Variants in HEATR5A observed in about 807,000 individuals in gnomAD.
HEATR5A encodes HEAT repeat-containing protein 5A.
Under a neutral mutation model 218.8 loss-of-function variants are expected in HEATR5A, and 178 were observed. That is an observed-to-expected ratio of 0.81 (90% CI 0.72 to 0.92). HEATR5A has a LOEUF of 0.92. Ranked by LOEUF, HEATR5A falls within the 40% of genes least tolerant of loss-of-function variation. HEATR5A has a pLI of 0.00. For missense variants in HEATR5A, 2,420 were observed against 2,418.9 expected, an observed-to-expected ratio of 1.00 and a Z score of -0.01; for synonymous variants, 864 against 871.6, an observed-to-expected ratio of 0.99 and a Z score of 0.15.
intron 13 of HEATR5A, among the ~76,000 whole-genome samples, chr14:31,371,097 C>A (rs1566771831): frequency 6.6e-6 from 1 of 152,156 alleles, no homozygotes. Context: ...CAGCCACATT[C>A]ATTCATTCAT....
At chr14:31,400,734 C>T (rs946576701) in intron 2 of HEATR5A, among the ~76,000 whole-genome samples, 6 of 152,082 alleles carry the variant, frequency 3.9e-5, no homozygotes, top group African/African-American at 9.7e-5. Context: ...CCAAAAATTC[C>T]GAACCACATT....
intron 19 of HEATR5A, among the ~76,000 whole-genome samples, chr14:31,345,586 G>GTTTTT (rs1293233246): frequency 2.0e-5 from 3 of 152,124 alleles, no homozygotes; most frequent in Non-Finnish European, 4.4e-5. Context: ...TTTTTAAAAA[G>GTTTTT]ATTCAACAAA....
At chr14:31,342,785 A>G (rs567432718) in intron 21 of HEATR5A, among the ~76,000 whole-genome samples, 8 of 152,356 alleles carry the variant, frequency 5.3e-5, no homozygotes, top group African/African-American at 1.4e-4. Context: ...TCTTCAGTTT[A>G]TCTTTTTACT....
intron 23 of HEATR5A, among the ~76,000 whole-genome samples, chr14:31,324,604 A>G (rs1365694566): frequency 2.6e-5 from 4 of 152,162 alleles, no homozygotes; most frequent in African/African-American, 9.7e-5. Context: ...GAGCAAGCTC[A>G]GGGAGTATGA....
intron 10 of HEATR5A, among the ~76,000 whole-genome samples, chr14:31,381,398 T>C (rs1209839180): frequency 6.6e-6 from 1 of 151,900 alleles, no homozygotes; most frequent in Non-Finnish European, 1.5e-5. Flanking sequence ...AAAAAGTCTA[T>C]GAGGCTGGGC....
intron 8 of HEATR5A, among the ~76,000 whole-genome samples, chr14:31,386,897 T>C (rs186432621): frequency 2.2e-4 from 33 of 152,300 alleles, no homozygotes; most frequent in African/African-American, 7.5e-4. Context: ...ATTACTGATA[T>C]TCGAGATAAG....
At chr14:31,352,428 A>G (rs1358774971) in intron 16 of HEATR5A, among the ~76,000 whole-genome samples, 2 of 152,182 alleles carry the variant, frequency 1.3e-5, no homozygotes, top group African/African-American at 4.8e-5. Context: ...TCTGACCTTC[A>G]TGTACTTTCA....
chr14:31,378,801 CAA>C (rs77675897), intron 11 of HEATR5A, among the ~76,000 whole-genome samples: 1 of 105,200 alleles, frequency 9.5e-6, no homozygotes, highest in African/African-American at 3.4e-5. Flanking sequence ...AAAAAACAAA[CAA>C]AAAAAAAAAA....
At chr14:31,352,551 G>A (rs1465793288) in intron 16 of HEATR5A, among the ~76,000 whole-genome samples, 3 of 152,086 alleles carry the variant, frequency 2.0e-5, no homozygotes, top group African/African-American at 7.2e-5. Context: ...CATGGGGATC[G>A]TGCCTTTAAA....
intron 26 of HEATR5A, among the ~76,000 whole-genome samples, chr14:31,316,265 G>A (rs1899908539): frequency 6.6e-6 from 1 of 152,018 alleles, no homozygotes; most frequent in South Asian, 2.1e-4. Flanking sequence ...TCTAGATTGG[G>A]TGGCAGAGTG....
chr14:31,314,990 C>T (rs528977535), intron 27 of HEATR5A, among the ~76,000 whole-genome samples: 8 of 152,100 alleles, frequency 5.3e-5, no homozygotes, highest in African/African-American at 1.7e-4. Context: ...CTGGCCAACA[C>T]GATGAAACCC....
intron 14 of HEATR5A, among the ~76,000 whole-genome samples, chr14:31,361,220 A>C (rs1260388704): frequency 1.3e-5 from 2 of 152,192 alleles, no homozygotes; most frequent in Non-Finnish European, 2.9e-5. Flanking sequence ...CTACAGAGAA[A>C]AATTTTATTA....
intron 1 of HEATR5A, 109 bp downstream of exon 1, chr14:31,420,363 A>G (rs1217231028): frequency 1.3e-5 from 2 of 152,072 alleles, no homozygotes; most frequent in Non-Finnish European, 2.9e-5. Context: ...CCGAGCGCTC[A>G]ACTCATACAG....
At chr14:31,375,916 C>T in intron 11 of HEATR5A, among the ~76,000 whole-genome samples, 1 of 152,168 alleles carries the variant, frequency 6.6e-6, no homozygotes, top group Non-Finnish European at 1.5e-5. Flanking sequence ...CTTTTCTCCC[C>T]AGGTACTTTT....
chr14:31,394,775 G>A (rs956077100), intron 5 of HEATR5A, among the ~76,000 whole-genome samples: 3 of 151,980 alleles, frequency 2.0e-5, no homozygotes, highest in South Asian at 2.1e-4. Flanking sequence ...CCGAGATCGC[G>A]CCTCTACACT....
At chr14:31,336,212 ACATAC>A in intron 22 of HEATR5A, among the ~76,000 whole-genome samples, 1 of 5,440 alleles carries the variant, frequency 1.8e-4, no homozygotes, top group African/African-American at 3.8e-4. Flanking sequence ...ATATATACAT[ACATAC>A]ATATATATAT....
chr14:31,402,276 G>A (rs1245418188), intron 2 of HEATR5A, among the ~76,000 whole-genome samples: 2 of 152,182 alleles, frequency 1.3e-5, no homozygotes, highest in Non-Finnish European at 2.9e-5. Context: ...TTTAGGAGAC[G>A]TAGGCTAAAA....
chr14:31,412,171 G>A (rs1249129473), intron 1 of HEATR5A, among the ~76,000 whole-genome samples: 3 of 151,686 alleles, frequency 2.0e-5, no homozygotes, highest in African/African-American at 7.3e-5. Context: ...ATGATTTATT[G>A]CTAGTAGAAG....
At chr14:31,324,809 G>A (rs2139171218) in intron 23 of HEATR5A, among the ~76,000 whole-genome samples, 1 of 151,780 alleles carries the variant, frequency 6.6e-6, no homozygotes, top group Non-Finnish European at 1.5e-5. Context: ...TTGAGTAGTG[G>A]GGAACAGAAG....
Sources: gnomAD v4.1 joint callset for allele counts (sites outside exome capture counted in the v4.1 genomes callset) on GRCh38, gnomAD v4.1.1 for gene constraint, MANE v1.5 for transcripts, NCBI Gene and HGNC (gene_info 2026-07-23, HGNC 2026-07-21) for gene names.